Variants in MAP1B observed in about 807,000 individuals in gnomAD.
MAP1B encodes microtubule-associated protein 1B.
A neutral mutation model predicts 176.1 loss-of-function variants in MAP1B; 12 were observed. The ratio of observed to expected loss-of-function variants is 0.07; its 90% CI spans 0.04 to 0.11. MAP1B has a LOEUF of 0.11. Ranked by LOEUF, MAP1B falls within the 10% of genes least tolerant of loss-of-function variation. The pLI is 1.00. For synonymous variants in MAP1B, 1,044 were observed against 1,135.0 expected, an observed-to-expected ratio of 0.92 and a Z score of 1.61; for missense variants, 2,523 against 2,990.5, an observed-to-expected ratio of 0.84 and a Z score of 3.65.
At chr5:72,169,717 G>A (rs531329824) in intron 2 of MAP1B, among the ~76,000 whole-genome samples, 24 of 152,206 alleles carry the variant, frequency 1.6e-4, no homozygotes, top group Non-Finnish European at 3.2e-4. Flanking sequence ...GTACATGAAA[G>A]TATGTAAAAG....
At chr5:72,111,513 G>A (rs548936881) in intron 1 of MAP1B, among the ~76,000 whole-genome samples, 1 of 152,280 alleles carries the variant, frequency 6.6e-6, no homozygotes, top group Admixed American at 6.5e-5. Flanking sequence ...TAAAACCCAG[G>A]AAAGATTTGG....
chr5:72,172,417 AT>A (rs1320494327), intron 2 of MAP1B, among the ~76,000 whole-genome samples: 1 of 152,078 alleles, frequency 6.6e-6, no homozygotes, highest in Non-Finnish European at 1.5e-5. Flanking sequence ...GGCCATTTGC[AT>A]TTTTTCTTTT....
In MAP1B at chr5:72,186,742, C is replaced by T; in HGVS notation, c.498C>T (p.Phe166=). Residue 166 remains phenylalanine, a synonymous_variant, in exon 4 of 7, where the codon TTC becomes TTT. Transcript: ENST00000296755. The surrounding 1 kb of genome is among the most constrained non-coding windows in gnomAD (Gnocchi z 4.3). The part of the protein sequence containing the change: ...SFSFQNFIEI[F]TDQEIGELLS... The stretch of plus-strand genomic sequence containing the variant: ...CCTTCCAGAACTTCATAGAGATTTT[C>T]ACCGATCAAGAGGTAGGTTCGTGTC... 1 of 1,614,168 alleles carries T rather than the reference C, an allele frequency of 6.2e-7. No individual in the cohort carries two copies. Among genetic ancestry groups the T allele is most frequent in the Non-Finnish European group, 8.5e-7 (1 of 1,180,048 alleles).
Position 72,195,745 on chromosome 5 carries a change from C to T in MAP1B, c.2390C>T (p.Ala797Val), listed in dbSNP as rs780051577. 6.8e-6 allele frequency: 11 copies of T among 1,614,136 alleles called. No individual in the cohort carries two copies. The highest frequency in any genetic ancestry group is 3.3e-5 in the Admixed American group (2 of 60,010). ...GGCAAGGCCGCAGAGGCTGTCGCTG[C>T]AGCTGTCGGCACTGGAGCCACCACA... ...KEGKAAEAVA[A>V]AVGTGATTAA... The change falls in exon 5 of 7, where the codon GCA (alanine) becomes GTA (valine). Residue 797 changes from alanine (A) to valine (V), a missense_variant. This residue lies in a region of MAP1B where 1,925 missense variants were observed against 2,126.0 expected (regional missense o/e 0.91). Transcript: ENST00000296755.
intron 2 of MAP1B, among the ~76,000 whole-genome samples, chr5:72,183,483 A>G (rs1746823540): frequency 6.6e-6 from 1 of 152,252 alleles, no homozygotes; most frequent in Non-Finnish European, 1.5e-5. Context: ...GAGGCTGCCT[A>G]GACCGACCCT....
intron 1 of MAP1B, among the ~76,000 whole-genome samples, chr5:72,111,106 T>C (rs905202423): frequency 1.2e-4 from 19 of 152,164 alleles, no homozygotes; most frequent in African/African-American, 4.3e-4. Flanking sequence ...CACCTCCTTT[T>C]TCTCCTCCCT....
At chr5:72,173,602 C>T (rs918996061) in intron 2 of MAP1B, among the ~76,000 whole-genome samples, 6 of 152,072 alleles carry the variant, frequency 3.9e-5, no homozygotes, top group Non-Finnish European at 5.9e-5. Context: ...TTGGTTTTAC[C>T]TAATACTGCA....
intron 2 of MAP1B, among the ~76,000 whole-genome samples, chr5:72,154,467 A>C (rs1420125228): frequency 6.6e-6 from 1 of 152,198 alleles, no homozygotes; most frequent in Non-Finnish European, 1.5e-5. Flanking sequence ...CTTTTAGCTA[A>C]TTTGGCCACT....
Position 72,196,317 on chromosome 5 carries a change from G to C in MAP1B, c.2962G>C (p.Glu988Gln). 2 of 1,614,114 alleles carry C rather than the reference G, an allele frequency of 1.2e-6. No individual in the cohort carries two copies. The highest frequency in any genetic ancestry group is 1.7e-6 in the Non-Finnish European group (2 of 1,180,010). ...AKAEADAYIR[E>Q]KRESVASGDD... ...GGCGGAGGCTGATGCATACATCAGG[G>C]AGAAGAGGGAGTCTGTGGCCAGTGG... Residue 988 changes from glutamate (E) to glutamine (Q), a missense_variant, in exon 5 of 7, where the codon GAG (glutamate) becomes CAG (glutamine). Transcript: ENST00000296755. This position sits in a 1 kb window ranked among gnomAD's most constrained non-coding sequence, Gnocchi z 5.3.
chr5:72,107,831 G>GTCGCCTCTCCTCT, intron 1 of MAP1B, 116 bp downstream of exon 1: 1 of 1,028,662 alleles, frequency 9.7e-7, no homozygotes, highest in Middle Eastern at 3.0e-4. Context: ...GCCTCTCCTC[G>GTCGCCTCTCCTCT]TCACCTCTCA....
chr5:72,118,627 A>G (rs1039314618), intron 2 of MAP1B, among the ~76,000 whole-genome samples: 12 of 149,612 alleles, frequency 8.0e-5, no homozygotes, highest in Non-Finnish European at 4.5e-5. Context: ...GTTTAAAAAA[A>G]CATAGAGACG....
At position 72,198,216 on chromosome 5, in the gene MAP1B, C is replaced by T; in HGVS notation, c.4861C>T (p.Pro1621Ser). Residue 1621 changes from proline to serine, a missense_variant, in exon 5 of 7, where the codon CCA becomes TCA. Physicochemically the swap from Pro to Ser is moderately conservative, Grantham distance 74 (BLOSUM62 -1). Coordinates refer to ENST00000296755, the MANE Select transcript of MAP1B (RefSeq NM_005909.5). ...ATGCCCAAGACCGATGTCAATTTCTCCACCAGATTTCTCCCCTAAAACTGC... is the reference window on the plus strand; with the variant it reads ...ATGCCCAAGACCGATGTCAATTTCTTCACCAGATTTCTCCCCTAAAACTGC... ...EECPRPMSIS[P>S]PDFSPKTAKS... 3 of 1,614,232 alleles carry T rather than the reference C, an allele frequency of 1.9e-6. No homozygotes were observed. Among genetic ancestry groups the T allele is most frequent in the South Asian group, 1.1e-5 (1 of 91,084 alleles).
chr5:72,164,475 G>C (rs906515328), intron 2 of MAP1B, among the ~76,000 whole-genome samples: 2 of 152,094 alleles, frequency 1.3e-5, no homozygotes, highest in African/African-American at 4.8e-5. Context: ...CTATTCTCTG[G>C]GTCTCTTCTT....
intron 2 of MAP1B, among the ~76,000 whole-genome samples, chr5:72,167,045 G>C (rs1746447032): frequency 6.7e-6 from 1 of 150,044 alleles, no homozygotes; most frequent in Admixed American, 6.6e-5. Context: ...ACGGGAAATG[G>C]CTCGGTGAGA....
rs776769483 is a variant in MAP1B at position 72,196,141 on chromosome 5, A to G, written c.2786A>G (p.Glu929Gly). The change falls in exon 5 of 7, where the codon GAA (glutamate) becomes GGA (glycine). Residue 929 changes from glutamate to glycine, a missense_variant. Glu to Gly is a moderately conservative substitution (Grantham distance 98, BLOSUM62 -2). Coordinates refer to ENST00000296755, the MANE Select transcript of MAP1B (RefSeq NM_005909.5). This position sits in a 1 kb window ranked among gnomAD's most constrained non-coding sequence, Gnocchi z 5.3. ...GVDDIEKFED[E>G]GAGFEESSET... ...GACGACATTGAAAAATTTGAAGATG[A>G]AGGAGCCGGTTTTGAAGAATCTTCA... 6.2e-7 allele frequency: 1 copy of G among 1,613,304 alleles called. No homozygotes were observed. The highest frequency in any genetic ancestry group is 1.3e-5 in the African/African-American group (1 of 74,872).
intron 5 of MAP1B, among the ~76,000 whole-genome samples, chr5:72,201,573 T>C (rs925244716): frequency 1.3e-5 from 2 of 152,248 alleles, no homozygotes; most frequent in Non-Finnish European, 2.9e-5. Flanking sequence ...TTGGCATTCA[T>C]ACATTTTATT....
chr5:72,133,635 G>A (rs923590839), intron 2 of MAP1B, among the ~76,000 whole-genome samples: 1 of 152,146 alleles, frequency 6.6e-6, no homozygotes, highest in Non-Finnish European at 1.5e-5. Context: ...GTAGCTATAA[G>A]GCATGTAAAG....
At position 72,197,548 on chromosome 5, in the gene MAP1B, T is replaced by C; in HGVS notation, c.4193T>C (p.Leu1398Ser). The change falls in exon 5 of 7, where the codon TTA becomes TCA. Residue 1398 changes from leucine (L) to serine (S), a missense_variant. Transcript: ENST00000296755. ...CCTATTGAAAAAGTTTTGTCTCCTTTACGCAGCCCGCCCCTCATTGGATCC... is the reference window on the plus strand; with the variant it reads ...CCTATTGAAAAAGTTTTGTCTCCTTCACGCAGCCCGCCCCTCATTGGATCC... The part of the protein sequence containing the change: ...ESPIEKVLSP[L>S]RSPPLIGSES... 1 of 1,614,186 alleles carries C rather than the reference T, an allele frequency of 6.2e-7. No individual in the cohort carries two copies. Among genetic ancestry groups the C allele is most frequent in the Admixed American group, 1.7e-5 (1 of 60,026 alleles).
rs565771904 is a variant in MAP1B, at chr5:72,208,085, A to G, written c.*2846A>G. ...TACCTTTCTCCATCCGTTGTTCTCA[A>G]TATGACCACAGAGCCTGAGTATACC... On this transcript the variant is annotated 3_prime_UTR_variant, in exon 7 of 7. Transcript: ENST00000296755. The G allele has an allele frequency of 3.5e-5, 3 of 85,744 alleles. No individual in the cohort carries two copies. Among genetic ancestry groups the G allele is most frequent in the African/African-American group, 1.7e-4 (2 of 11,612 alleles). The allele number at this position is 85,744 out of a possible 1,614,324, so 5.3% of individuals were successfully genotyped here. A position where few individuals can be genotyped will look rare whatever the true frequency, so the allele number is the denominator to read the frequency against.
Sources: allele counts gnomAD v4.1 joint callset (sites outside exome capture counted in the v4.1 genomes callset), GRCh38; gene constraint gnomAD v4.1.1; regional missense constraint gnomAD v4.1.1; non-coding constraint Gnocchi (gnomAD v3.1); transcripts MANE v1.5; gene names NCBI Gene and HGNC (gene_info 2026-07-23, HGNC 2026-07-21).